CPNE4: variants seen among roughly 807,000 people sequenced by gnomAD.
CPNE4 encodes copine 4.
In CPNE4, 25 loss-of-function variants were observed where a neutral mutation model predicts 67.9. The ratio of observed to expected loss-of-function variants is 0.37; its 90% CI spans 0.27 to 0.51. The LOEUF is 0.51. Among genes scored for constraint, CPNE4 ranks in the 20% least tolerant of loss-of-function variants. The pLI, the probability that CPNE4 is intolerant of heterozygous loss-of-function variation, is 0.93. For missense variants in CPNE4, 464 were observed against 690.8 expected, an observed-to-expected ratio of 0.67 and a Z score of 3.68; for synonymous variants, 242 against 244.9, an observed-to-expected ratio of 0.99 and a Z score of 0.11.
chr3:131,847,380 T>C (rs1342660788), intron 2 of CPNE4, among the ~76,000 whole-genome samples: 2 of 152,192 alleles, frequency 1.3e-5, no homozygotes, highest in African/African-American at 2.4e-5. Flanking sequence ...GTGTAACTAG[T>C]TCTGGAAACT....
At chr3:131,953,239 T>TAAAAAAAAAAA (rs1167094357) in intron 1 of CPNE4, among the ~76,000 whole-genome samples, 1 of 97,128 alleles carries the variant, frequency 1.0e-5, no homozygotes, top group African/African-American at 4.4e-5. Context: ...AATGATCAAT[T>TAAAAAAAAAAA]AAAAAAAAAA....
intron 12 of CPNE4, among the ~76,000 whole-genome samples, chr3:131,553,814 G>A (rs918705095): frequency 6.6e-6 from 1 of 152,084 alleles, no homozygotes; most frequent in Non-Finnish European, 1.5e-5. Context: ...TGGCAACCTT[G>A]TAAACTCTCC....
At chr3:131,759,926 T>C (rs2082847502) in intron 2 of CPNE4, among the ~76,000 whole-genome samples, 1 of 152,168 alleles carries the variant, frequency 6.6e-6, no homozygotes, top group African/African-American at 2.4e-5. Flanking sequence ...CAGAAGGTCA[T>C]CAATATTACA....
intron 1 of CPNE4, among the ~76,000 whole-genome samples, chr3:131,968,469 G>T (rs894354683): frequency 2.0e-5 from 3 of 152,172 alleles, no homozygotes; most frequent in African/African-American, 4.8e-5. Context: ...TCTGACAAAG[G>T]TCTAATATCC....
intron 7 of CPNE4, among the ~76,000 whole-genome samples, chr3:131,667,594 C>T (rs1271812780): frequency 6.6e-6 from 1 of 151,988 alleles, no homozygotes; most frequent in East Asian, 1.9e-4. Flanking sequence ...TGATCCTTCT[C>T]TCCCCCCTCC....
chr3:131,864,026 C>T (rs1227171264), intron 2 of CPNE4, among the ~76,000 whole-genome samples: 2 of 151,948 alleles, frequency 1.3e-5, no homozygotes, highest in South Asian at 2.1e-4. Context: ...AGATATGCGG[C>T]ATTATTTCTG....
At chr3:131,648,321 T>C (rs954042658) in intron 7 of CPNE4, among the ~76,000 whole-genome samples, 1 of 152,232 alleles carries the variant, frequency 6.6e-6, no homozygotes, top group Non-Finnish European at 1.5e-5. Context: ...TGCAGTGAGC[T>C]GTGGTTGTGC....
At chr3:131,899,893 A>G (rs1399600706) in intron 2 of CPNE4, among the ~76,000 whole-genome samples, 3 of 152,128 alleles carry the variant, frequency 2.0e-5, no homozygotes, top group African/African-American at 7.2e-5. Context: ...CAAGCATGAG[A>G]GAAACCTGTT....
intron 1 of CPNE4, among the ~76,000 whole-genome samples, chr3:132,030,769 T>C (rs2074220032): frequency 6.6e-6 from 1 of 152,192 alleles, no homozygotes; most frequent in Non-Finnish European, 1.5e-5. Flanking sequence ...AGCTCCCACA[T>C]AACTGCAGTT....
intron 2 of CPNE4, among the ~76,000 whole-genome samples, chr3:131,762,801 A>T (rs2082921470): frequency 6.6e-6 from 1 of 152,100 alleles, no homozygotes; most frequent in African/African-American, 2.4e-5. Context: ...TATAGATAGC[A>T]TCATTATTTT....
intron 2 of CPNE4, among the ~76,000 whole-genome samples, chr3:131,893,940 GAAGAA>G (rs950587941): frequency 2.0e-5 from 3 of 151,540 alleles, no homozygotes; most frequent in African/African-American, 4.8e-5. Flanking sequence ...AAAATTGATA[GAAGAA>G]AAGAAATAAT....
chr3:131,767,945 T>G (rs2083064836), intron 2 of CPNE4, among the ~76,000 whole-genome samples: 1 of 152,134 alleles, frequency 6.6e-6, no homozygotes, highest in Non-Finnish European at 1.5e-5. Flanking sequence ...TCTGATGTTT[T>G]GCCACTTCAT....
At chr3:131,642,662 G>C (rs569131897) in intron 7 of CPNE4, among the ~76,000 whole-genome samples, 2 of 152,158 alleles carry the variant, frequency 1.3e-5, no homozygotes, top group Non-Finnish European at 2.9e-5. Context: ...CCATGCTGCT[G>C]TTCTCATAAT....
rs1228135091 is a variant in CPNE4, at chr3:131,978,145, T to A, written c.-2+56422A>T. Among the ~76,000 whole-genome samples, 2 of 77,728 alleles carry A rather than the reference T, an allele frequency of 2.6e-5. 1 individual carries two copies. Among genetic ancestry groups the A allele is most frequent in the Non-Finnish European group, 4.3e-5 (2 of 46,840 alleles). 51.0% of individuals were successfully genotyped at this position (77,728 alleles called of 152,430 possible). On this transcript the variant is annotated intron_variant, in intron 1 of 15. Transcript: ENST00000429747. ...AAATATATATATTTATATAAATATA[T>A]ATAAAATATATAAATATATATAAAT...
chr3:131,550,602 T>C (rs1582775742), intron 13 of CPNE4, among the ~76,000 whole-genome samples: 1 of 151,986 alleles, frequency 6.6e-6, no homozygotes, highest in East Asian at 1.9e-4. Context: ...GAGTCAGGAG[T>C]TCCCATGACC....
intron 1 of CPNE4, among the ~76,000 whole-genome samples, chr3:131,995,721 A>G (rs1159723099): frequency 6.6e-6 from 1 of 152,202 alleles, no homozygotes; most frequent in Non-Finnish European, 1.5e-5. Context: ...TATTCCTGAG[A>G]AATCATCTAC....
At chr3:131,558,060 T>G (rs1936562061) in intron 11 of CPNE4, among the ~76,000 whole-genome samples, 1 of 152,008 alleles carries the variant, frequency 6.6e-6, no homozygotes, top group Non-Finnish European at 1.5e-5. Flanking sequence ...CTAAGCCACT[T>G]TTGGGGATTC....
intron 2 of CPNE4, among the ~76,000 whole-genome samples, chr3:131,808,739 T>C (rs2084415785): frequency 6.6e-6 from 1 of 152,190 alleles, no homozygotes; most frequent in South Asian, 2.1e-4. Context: ...AAACTCAGTA[T>C]TGAGGTTCTT....
chr3:132,003,802 T>C (rs753842390), intron 1 of CPNE4, among the ~76,000 whole-genome samples: 3 of 152,076 alleles, frequency 2.0e-5, no homozygotes, highest in African/African-American at 4.8e-5. Flanking sequence ...AGTTACTTGA[T>C]AGGAGGGAGC....
Sources: gnomAD v4.1 joint callset for allele counts (sites outside exome capture counted in the v4.1 genomes callset) on GRCh38, gnomAD v4.1.1 for gene constraint, MANE v1.5 for transcripts, NCBI Gene and HGNC (gene_info 2026-07-23, HGNC 2026-07-21) for gene names.